PCDH15: variants seen among roughly 807,000 people sequenced by gnomAD.
PCDH15 encodes protocadherin-15.
PCDH15 carries 129 observed loss-of-function variants against 178.5 expected under a neutral mutation model. That is an observed-to-expected ratio of 0.72 (90% CI 0.63 to 0.84). The LOEUF (loss-of-function observed/expected upper bound fraction) is 0.84, where lower values mean the gene tolerates loss of function less well. Among genes scored for constraint, PCDH15 ranks in the 40% least tolerant of loss-of-function variants. The pLI is 0.00. For synonymous variants in PCDH15, 800 were observed against 732.0 expected, an observed-to-expected ratio of 1.09 and a Z score of -1.50; for missense variants, 2,230 against 2,099.9, an observed-to-expected ratio of 1.06 and a Z score of -1.21.
At chr10:55,214,946 G>C (rs1840664015) in intron 1 of PCDH15, among the ~76,000 whole-genome samples, 1 of 152,074 alleles carries the variant, frequency 6.6e-6, no homozygotes, top group Admixed American at 6.6e-5. Context: ...GCTCAGGTAA[G>C]CTTGAATTTG....
At chr10:54,820,534 T>C (rs1432272336) in intron 3 of PCDH15, among the ~76,000 whole-genome samples, 1 of 152,210 alleles carries the variant, frequency 6.6e-6, no homozygotes, top group East Asian at 1.9e-4. Context: ...AATAAATAAA[T>C]TTTAAATTCT....
intron 2 of PCDH15, among the ~76,000 whole-genome samples, chr10:54,959,751 G>A (rs1278315665): frequency 6.6e-6 from 1 of 152,004 alleles, no homozygotes; most frequent in African/African-American, 2.4e-5. Flanking sequence ...ACACAAAGAG[G>A]AAATAATCAG....
At chr10:55,070,580 G>T (rs1841708968) in intron 2 of PCDH15, among the ~76,000 whole-genome samples, 1 of 152,176 alleles carries the variant, frequency 6.6e-6, no homozygotes, top group Admixed American at 6.5e-5. Context: ...TGAAAGATCA[G>T]ATAGTTGTAG....
chr10:54,278,209 T>C (rs891207458), intron 8 of PCDH15, among the ~76,000 whole-genome samples: 3 of 151,580 alleles, frequency 2.0e-5, no homozygotes, highest in Non-Finnish European at 4.4e-5. Flanking sequence ...GGTTCTACTA[T>C]AACTACACTC....
chr10:55,098,615 A>G (rs1390806562), intron 2 of PCDH15, among the ~76,000 whole-genome samples: 3 of 152,038 alleles, frequency 2.0e-5, no homozygotes, highest in Admixed American at 2.0e-4. Context: ...AGAAGACAAT[A>G]TGGAGCCAGC....
At chr10:54,604,834 T>C (rs1280149007) in intron 2 of PCDH15, among the ~76,000 whole-genome samples, 1 of 151,824 alleles carries the variant, frequency 6.6e-6, no homozygotes, top group Non-Finnish European at 1.5e-5. Flanking sequence ...TTATTTTGTG[T>C]TTCTTTTTTT....
chr10:53,840,449 A>G lies in PCDH15; in HGVS notation c.3854T>C (p.Val1285Ala). Residue 1285 changes from valine to alanine, a missense_variant, in exon 29 of 38, where the codon GTA becomes GCA. By Grantham distance (64) the Val-to-Ala change is moderately conservative. Coordinates refer to ENST00000644397, the MANE Select transcript of PCDH15 (RefSeq NM_001384140.1). Reference sequence around the variant, plus strand: ...CCGGCGAGCTCCAATGGACTCCACTACGACCTTGGCACCAGGAATTTGTTC... The same window carrying G: ...CCGGCGAGCTCCAATGGACTCCACTGCGACCTTGGCACCAGGAATTTGTTC... ...VQEQIPGAKV[V>A]VESIGARRHG... 1.2e-6 allele frequency: 2 copies of G among 1,614,146 alleles called. No individual in the cohort carries two copies. Among genetic ancestry groups the G allele is most frequent in the Non-Finnish European group, 1.7e-6 (2 of 1,179,984 alleles).
chr10:54,100,045 T>C (rs1169797484), intron 15 of PCDH15, among the ~76,000 whole-genome samples: 2 of 152,166 alleles, frequency 1.3e-5, no homozygotes, highest in East Asian at 3.9e-4. Flanking sequence ...AGATATTTAA[T>C]ACACTTCAGA....
intron 8 of PCDH15, among the ~76,000 whole-genome samples, chr10:54,247,620 C>G (rs990915866): frequency 4.6e-5 from 7 of 151,860 alleles, no homozygotes; most frequent in Non-Finnish European, 1.0e-4. Context: ...TAGGGGCTCA[C>G]AGCGCTTCAT....
chr10:54,024,922 G>T (rs949693950), intron 18 of PCDH15, among the ~76,000 whole-genome samples: 14 of 151,836 alleles, frequency 9.2e-5, no homozygotes, highest in Admixed American at 6.6e-5. Flanking sequence ...TGTAAGCCAA[G>T]AACAAAATAT....
intron 16 of PCDH15, among the ~76,000 whole-genome samples, chr10:54,089,222 CAA>C (rs1319210141): frequency 1.3e-5 from 2 of 152,156 alleles, no homozygotes; most frequent in Non-Finnish European, 2.9e-5. Flanking sequence ...TCTGATGTGG[CAA>C]TGTATTCATT....
chr10:54,129,891 T>C (rs529978722), intron 15 of PCDH15, among the ~76,000 whole-genome samples: 219 of 152,244 alleles, frequency 1.4e-3, no homozygotes, highest in African/African-American at 4.6e-3. Flanking sequence ...GTGTTACTAT[T>C]TTATGGGATG....
chr10:54,712,685 C>T (rs1256805564), intron 1 of PCDH15, among the ~76,000 whole-genome samples: 1 of 151,918 alleles, frequency 6.6e-6, no homozygotes, highest in Non-Finnish European at 1.5e-5. Flanking sequence ...CGGAAAATAA[C>T]ATTCTAAACT....
intron 1 of PCDH15, among the ~76,000 whole-genome samples, chr10:54,726,737 A>G (rs763700445): frequency 6.6e-6 from 1 of 151,430 alleles, no homozygotes; most frequent in Non-Finnish European, 1.5e-5. Flanking sequence ...TAAAAAGCTG[A>G]CTACAAAAAT....
chr10:55,430,328 G>A (rs543254928), intron 2 of PCDH15, among the ~76,000 whole-genome samples: 1 of 152,140 alleles, frequency 6.6e-6, no homozygotes, highest in East Asian at 1.9e-4. Flanking sequence ...AGGAATGGGG[G>A]AAGAAAAAGG....
intron 2 of PCDH15, among the ~76,000 whole-genome samples, chr10:55,089,617 C>T (rs1267255415): frequency 6.6e-6 from 1 of 152,054 alleles, no homozygotes; most frequent in Non-Finnish European, 1.5e-5. Flanking sequence ...GAATTTGTAT[C>T]ATTACAAATT....
intron 2 of PCDH15, among the ~76,000 whole-genome samples, chr10:55,040,044 A>G (rs1840827264): frequency 6.6e-6 from 1 of 152,032 alleles, no homozygotes; most frequent in African/African-American, 2.4e-5. Flanking sequence ...AATTTAACAT[A>G]ACCAAGAAAA....
rs565447156 is a variant in PCDH15, at chr10:53,854,508, G to A, written c.3806+2667C>T. On this transcript the variant is annotated intron_variant, in intron 28 of 37. Coordinates refer to ENST00000644397, the MANE Select transcript of PCDH15 (RefSeq NM_001384140.1). Reference sequence around the variant, plus strand: ...TCTTTTAAAATCAACATGAGATAGAGGTCTTTATTCCAATTTTCATGAAGA... The same window carrying A: ...TCTTTTAAAATCAACATGAGATAGAAGTCTTTATTCCAATTTTCATGAAGA... Among the ~76,000 whole-genome samples, 10 of 152,034 alleles carry A rather than the reference G, an allele frequency of 6.6e-5. No homozygotes were observed. In the South Asian group the frequency reaches 2.1e-3, roughly 32 times the overall value.
At chr10:54,065,450 A>G (rs1479276717) in intron 18 of PCDH15, among the ~76,000 whole-genome samples, 1 of 152,136 alleles carries the variant, frequency 6.6e-6, no homozygotes, top group African/African-American at 2.4e-5. Context: ...TTTTGTGTCC[A>G]GATTTTCTGT....
Sources: gnomAD v4.1 joint callset for allele counts (sites outside exome capture counted in the v4.1 genomes callset) on GRCh38, gnomAD v4.1.1 for gene constraint, MANE v1.5 for transcripts, NCBI Gene and HGNC (gene_info 2026-07-23, HGNC 2026-07-21) for gene names.